Variants in CCN1 observed in about 807,000 individuals in gnomAD.
CCN1 encodes the protein cellular communication network factor 1.
A neutral mutation model predicts 38.1 loss-of-function variants in CCN1; 12 were observed. That is an observed-to-expected ratio of 0.31 (90% CI 0.20 to 0.51). The LOEUF (loss-of-function observed/expected upper bound fraction) is 0.51, where lower values mean the gene tolerates loss of function less well. Among genes scored for constraint, CCN1 ranks in the 20% least tolerant of loss-of-function variants. The probability of loss-of-function intolerance (pLI) is 0.97; values close to 1 mark genes in which losing one functional copy is unlikely to be tolerated. For synonymous variants in CCN1, 202 were observed against 196.1 expected (o/e 1.03, Z -0.25); for missense variants, 466 against 490.9 (o/e 0.95, Z 0.48).
Position 85,582,087 on chromosome 1 carries a change from C to T in CCN1, c.437C>T (p.Pro146Leu), listed in dbSNP as rs1659801318. ...CTATCTCTCCCCAACTTGGGCTGTC[C>T]CAACCCTCGGCTGGTCAAAGTTACC... ...QELSLPNLGCPNPRLVKVTGQ... is the reference protein window; with the variant it reads ...QELSLPNLGCLNPRLVKVTGQ... Residue 146 changes from proline (P) to leucine (L), a missense_variant, in exon 3 of 5, where the codon CCC becomes CTC. Physicochemically the swap from Pro to Leu is moderately conservative, Grantham distance 98. Around this residue, in one of 3 missense-constraint regions of CCN1, gnomAD observed 309 missense variants for 319.9 expected, o/e 0.97. Transcript: ENST00000451137. 1 of 1,614,136 alleles carries T rather than the reference C, an allele frequency of 6.2e-7. No individual in the cohort carries two copies. Among genetic ancestry groups the T allele is most frequent in the Non-Finnish European group, 8.5e-7 (1 of 1,180,020 alleles).
intron 4 of CCN1, 21 bp downstream of exon 4, chr1:85,582,645 G>A (rs777361186): frequency 1.2e-6 from 2 of 1,613,894 alleles, no homozygotes; most frequent in Non-Finnish European, 1.7e-6. Flanking sequence ...TCAGGGACGT[G>A]TAGACTGTTG....
rs751578454 is a variant in CCN1 at position 85,581,036 on chromosome 1, T to C, written c.52T>C (p.Leu18=). The stretch of plus-strand genomic sequence containing the variant: ...CGCCTTAGTCGTCACCCTTCTCCAC[T>C]TGACCAGGCTGGTGAGTTGGACTCT... The part of the protein sequence containing the change: ...ALALVVTLLH[L]TRLALSTCPA... Residue 18 remains leucine, a synonymous_variant, in exon 1 of 5, where the codon TTG becomes CTG. Coordinates refer to ENST00000451137, the MANE Select transcript of CCN1 (RefSeq NM_001554.5). 6.2e-6 allele frequency: 10 copies of C among 1,610,586 alleles called. No homozygotes were observed. Among genetic ancestry groups the C allele is most frequent in the Non-Finnish European group, 8.5e-6 (10 of 1,178,830 alleles).
chr1:85,581,213 T>G, intron 1 of CCN1, 152 bp from the exon 2 acceptor site: 1 of 1,171,812 alleles, frequency 8.5e-7, no homozygotes, highest in South Asian at 1.6e-5. Flanking sequence ...TCGGGACCTC[T>G]TGGTGGGAGC....
At position 85,582,923 on chromosome 1, in the gene CCN1, T is replaced by C; in HGVS notation, c.1027T>C (p.Phe343Leu). ...MRFRCEDGETFSKNVMMIQSC... is the reference protein window; with the variant it reads ...MRFRCEDGETLSKNVMMIQSC... ...GTTCCGCTGCGAAGATGGGGAGACA[T>C]TTTCCAAGAACGTCATGATGATCCA... is the stretch of plus-strand genomic sequence containing the variant. The change falls in exon 5 of 5, where the codon TTT becomes CTT. Residue 343 changes from phenylalanine to leucine, a missense_variant. Phe to Leu is a conservative substitution (Grantham distance 22). This residue lies in a region of CCN1 where 309 missense variants were observed against 319.9 expected (regional missense o/e 0.97). Coordinates refer to ENST00000451137, the MANE Select transcript of CCN1 (RefSeq NM_001554.5). The C allele has an allele frequency of 6.2e-7, 1 of 1,614,164 alleles. No homozygotes were observed. The highest frequency in any genetic ancestry group is 1.7e-5 in the Admixed American group (1 of 60,010).
At chr1:85,581,181 T>TC (rs1659783406) in intron 1 of CCN1, 134 bp downstream of exon 1, 1 of 1,206,770 alleles carries the variant, frequency 8.3e-7, no homozygotes, top group African/African-American at 1.6e-5. Flanking sequence ...TTAAGCACTC[T>TC]CCCCCTCCCC....
rs1036778399 is a variant in CCN1 at position 85,580,818 on chromosome 1, G to C, written c.-167G>C. The C allele has an allele frequency of 2.1e-5, 11 of 517,244 alleles. No homozygotes were observed. Among genetic ancestry groups the C allele is most frequent in the Non-Finnish European group, 3.0e-5 (10 of 332,412 alleles). 32.0% of individuals were successfully genotyped at this position (517,244 alleles called of 1,614,324 possible). Reference sequence around the variant, plus strand: ...CCGCGCCCTCCGCGCCTTCTCCGCCGGGACCTCGAGCGAAAGACGCCCGCC... The same window carrying C: ...CCGCGCCCTCCGCGCCTTCTCCGCCCGGACCTCGAGCGAAAGACGCCCGCC... On this transcript the variant is annotated 5_prime_UTR_variant, in exon 1 of 5. Coordinates refer to ENST00000451137, the MANE Select transcript of CCN1 (RefSeq NM_001554.5).
In CCN1 at chr1:85,582,975, C is replaced by T. The variant is rs761427282; in HGVS notation, c.1079C>T (p.Pro360Leu). 3 of 1,613,972 alleles carry T rather than the reference C, an allele frequency of 1.9e-6. No individual in the cohort carries two copies. Among genetic ancestry groups the T allele is most frequent in the Admixed American group, 1.7e-5 (1 of 60,002 alleles). Reference protein sequence around the residue: ...IQSCKCNYNCPHANEAAFPFY... With the variant: ...IQSCKCNYNCLHANEAAFPFY... ...TCCTGCAAATGCAACTACAACTGCC[C>T]GCATGCCAATGAAGCAGCGTTTCCC... Residue 360 changes from proline (P) to leucine (L), a missense_variant, in exon 5 of 5, where the codon CCG becomes CTG. By Grantham distance (98) the Pro-to-Leu change is moderately conservative. Around this residue, in one of 3 missense-constraint regions of CCN1, gnomAD observed 309 missense variants for 319.9 expected, o/e 0.97. Transcript: ENST00000451137.
rs1359355923 is a variant in CCN1 at position 85,583,387 on chromosome 1, A to G, written c.*345A>G. On this transcript the variant is annotated 3_prime_UTR_variant, in exon 5 of 5. Coordinates refer to ENST00000451137, the MANE Select transcript of CCN1 (RefSeq NM_001554.5). ...GGCTTTTTTCCTTTTGGGGTTCTAC[A>G]GTCGTAAAAGAGATAATAAGATTAG... is the stretch of plus-strand genomic sequence containing the variant. 1 of 269,442 alleles carries G rather than the reference A, an allele frequency of 3.7e-6. No homozygotes were observed. The highest frequency in any genetic ancestry group is 7.1e-6 in the Non-Finnish European group (1 of 141,730). 16.7% of individuals were successfully genotyped at this position (269,442 alleles called of 1,614,324 possible).
rs201162720 is a variant in CCN1, at chr1:85,582,870, C to T, written c.974C>T (p.Pro325Leu). 9.3e-6 allele frequency: 15 copies of T among 1,614,132 alleles called. No homozygotes were observed. In the East Asian group the frequency reaches 3.1e-4, roughly 34 times the overall value. ...TGCGTGGACGGCCGATGCTGCACGC[C>T]CCAGCTGACCAGGACTGTGAAGATG... is the stretch of plus-strand genomic sequence containing the variant. ...GSCVDGRCCT[P>L]QLTRTVKMRF... Residue 325 changes from proline (P) to leucine (L), a missense_variant, in exon 5 of 5, where the codon CCC (proline) becomes CTC (leucine). Coordinates refer to ENST00000451137, the MANE Select transcript of CCN1 (RefSeq NM_001554.5).
Position 85,582,071 on chromosome 1 carries a change from C to A in CCN1, c.421C>A (p.Pro141Thr). 6.2e-7 allele frequency: 1 copy of A among 1,614,158 alleles called. No individual in the cohort carries two copies. Among genetic ancestry groups the A allele is most frequent in the Non-Finnish European group, 8.5e-7 (1 of 1,180,016 alleles). ...IPLCPQELSL[P>T]NLGCPNPRLV... ...TCTGTGTCCCCAAGAACTATCTCTC[C>A]CCAACTTGGGCTGTCCCAACCCTCG... The change falls in exon 3 of 5, where the codon CCC becomes ACC. Residue 141 changes from proline to threonine, a missense_variant. Physicochemically the swap from Pro to Thr is conservative, Grantham distance 38 (BLOSUM62 -1). Coordinates refer to ENST00000451137, the MANE Select transcript of CCN1 (RefSeq NM_001554.5).
intron 2 of CCN1, 51 bp downstream of exon 2, chr1:85,581,629 T>A: frequency 1.9e-6 from 3 of 1,569,350 alleles, no homozygotes; most frequent in Non-Finnish European, 2.6e-6. Context: ...GTCCCCATAG[T>A]CCAGAAGTTT....
At position 85,583,077 on chromosome 1, in the gene CCN1, A is replaced by C; in HGVS notation, c.*35A>C. ...GGGTTTCCAGGGCACACCTAGACAA[A>C]CAAGGGAGAAGAGTGTCAGAATCAG... On this transcript the variant is annotated 3_prime_UTR_variant, in exon 5 of 5. Transcript: ENST00000451137. The C allele has an allele frequency of 5.7e-6, 9 of 1,570,508 alleles. No individual in the cohort carries two copies. Among genetic ancestry groups the C allele is most frequent in the Non-Finnish European group, 7.0e-6 (8 of 1,147,358 alleles).
intron 2 of CCN1, 100 bp downstream of exon 2, chr1:85,581,678 G>T: frequency 1.4e-6 from 2 of 1,421,846 alleles, no homozygotes; most frequent in Middle Eastern, 2.1e-4. Context: ...CTTTGTTGTT[G>T]GTAGCTTGGC....
rs1333495907 is a variant in CCN1 at position 85,580,837 on chromosome 1, G to A, written c.-148G>A. On this transcript the variant is annotated 5_prime_UTR_variant, in exon 1 of 5. Transcript: ENST00000451137. ...TCCGCCGGGACCTCGAGCGAAAGAC[G>A]CCCGCCCGCCGCCCAGCCCTCGCCT... 58 of 643,924 alleles carry A rather than the reference G, an allele frequency of 9.0e-5. No homozygotes were observed. The Middle Eastern group carries it at 1.4e-3, about 15-fold the overall frequency. 39.9% of individuals were successfully genotyped at this position (643,924 alleles called of 1,614,324 possible).
Position 85,581,612 on chromosome 1 carries a change from A to C in CCN1, c.277+34A>C. 3 of 1,599,280 alleles carry C rather than the reference A, an allele frequency of 1.9e-6. No individual in the cohort carries two copies. The African/African-American group carries it at 4.0e-5, about 21-fold the overall frequency. On this transcript the variant is annotated intron_variant, in intron 2 of 4. Transcript: ENST00000451137. ...CTTGTGGTTTGGCCCCTTTAAAAAA[A>C]ATACTAGTCCCCATAGTCCAGAAGT...
chr1:85,583,399 G>C lies in CCN1; in HGVS notation c.*357G>C. 4.1e-6 allele frequency: 1 copy of C among 242,774 alleles called. No individual in the cohort carries two copies. 15.0% of individuals were successfully genotyped at this position (242,774 alleles called of 1,614,324 possible). A position where few individuals can be genotyped will look rare whatever the true frequency, so the allele number is the denominator to read the frequency against. ...TTTGGGGTTCTACAGTCGTAAAAGAGATAATAAGATTAGTTGGACAGTTTA... is the reference window on the plus strand; with the variant it reads ...TTTGGGGTTCTACAGTCGTAAAAGACATAATAAGATTAGTTGGACAGTTTA... On this transcript the variant is annotated 3_prime_UTR_variant, in exon 5 of 5. Coordinates refer to ENST00000451137, the MANE Select transcript of CCN1 (RefSeq NM_001554.5).
chr1:85,580,869 C>A lies in CCN1; in HGVS notation c.-116C>A. 1.0e-6 allele frequency: 1 copy of A among 992,496 alleles called. No individual in the cohort carries two copies. Among genetic ancestry groups the A allele is most frequent in the Non-Finnish European group, 1.3e-6 (1 of 744,014 alleles). The allele number at this position is 992,496 out of a possible 1,614,324, so 61.5% of individuals were successfully genotyped here. On this transcript the variant is annotated 5_prime_UTR_variant, in exon 1 of 5. Coordinates refer to ENST00000451137, the MANE Select transcript of CCN1 (RefSeq NM_001554.5). ...CGCCGCCCAGCCCTCGCCTCCCTGC[C>A]CACCGGGCCCACCGCGCCGCCACCC...
At position 85,580,974 on chromosome 1, in the gene CCN1, T is replaced by A. The variant is rs772812530; in HGVS notation, c.-11T>A. ...CGCCGCGCTCGCCCCGGGCTACTCC[T>A]GCGCGCCACAATGAGCTCCCGCATC... On this transcript the variant is annotated 5_prime_UTR_variant, in exon 1 of 5. Transcript: ENST00000451137. 1.3e-6 allele frequency: 2 copies of A among 1,598,950 alleles called. No homozygotes were observed. Among genetic ancestry groups the A allele is most frequent in the Non-Finnish European group, 1.7e-6 (2 of 1,174,358 alleles).
Position 85,583,027 on chromosome 1 carries a change from C to A in CCN1, c.1131C>A (p.His377Gln), listed in dbSNP as rs1659826264. ...FPFYRLFNDIHKFRD is the reference protein window; with the variant it reads ...FPFYRLFNDIQKFRD ...TCTACAGGCTGTTCAATGACATTCA[C>A]AAATTTAGGGACTAAATGCTACCTG... Residue 377 changes from histidine (H) to glutamine (Q), a missense_variant, in exon 5 of 5, where the codon CAC becomes CAA. This residue lies in a region of CCN1 where 309 missense variants were observed against 319.9 expected (regional missense o/e 0.97). Coordinates refer to ENST00000451137, the MANE Select transcript of CCN1 (RefSeq NM_001554.5). 2 of 1,609,524 alleles carry A rather than the reference C, an allele frequency of 1.2e-6. No homozygotes were observed. The highest frequency in any genetic ancestry group is 1.7e-6 in the Non-Finnish European group (2 of 1,176,062).
Sources: allele counts gnomAD v4.1 joint callset, GRCh38; gene constraint gnomAD v4.1.1; regional missense constraint gnomAD v4.1.1; transcripts MANE v1.5; gene names NCBI Gene and HGNC (gene_info 2026-07-23, HGNC 2026-07-21).